RIPK4: variants seen among roughly 807,000 people sequenced by gnomAD.
RIPK4 encodes receptor-interacting serine/threonine-protein kinase 4.
RIPK4 carries 17 observed loss-of-function variants against 42.9 expected under a neutral mutation model. The observed-to-expected ratio is 0.40, with a 90% CI of 0.27 to 0.59. The LOEUF is 0.59. RIPK4 is among the 20% of genes least tolerant of loss of function. The pLI, the probability that RIPK4 is intolerant of heterozygous loss-of-function variation, is 0.47. For missense variants in RIPK4, 897 were observed against 1,104.4 expected (o/e 0.81, Z 2.66); for synonymous variants, 498 against 499.1 (o/e 1.00, Z 0.03).
chr21:41,756,696 C>G lies in RIPK4; in HGVS notation c.303G>C (p.Thr101=). 6.2e-7 allele frequency: 1 copy of G among 1,614,192 alleles called. No individual in the cohort carries two copies. ...PVGLVMEYME[T]GSLEKLLASE... ...AAGCCAGCAGCTTTTCCAGGGAGCC[C>G]GTCTCCATGTACTCCATGACCAGGC... Residue 101 remains threonine (T), a synonymous_variant, in exon 2 of 8, where the codon ACG becomes ACC. Coordinates refer to ENST00000332512, the MANE Select transcript of RIPK4 (RefSeq NM_020639.3).
rs565585242 is a variant in RIPK4, at chr21:41,743,122, T to C, written c.1195+760A>G. Among the ~76,000 whole-genome samples the C allele has an allele frequency of 2.9e-4, 44 of 152,104 alleles. 1 individual carries two copies. The highest frequency in any genetic ancestry group is 1.0e-3 in the African/African-American group (43 of 41,508). On this transcript the variant is annotated intron_variant, in intron 7 of 7. Transcript: ENST00000332512. ...AAGCCAACTTCCCCTTCCCCCGAGA[T>C]TGCAGCCTTGGCCCTCAGCCCCCGT... is the stretch of plus-strand genomic sequence containing the variant.
In RIPK4 at chr21:41,742,343, A is replaced by G. The variant is rs1273186740; in HGVS notation, c.1196-346T>C. 6.6e-6 allele frequency among the ~76,000 whole-genome samples: 1 copy of G among 152,206 alleles called. No individual in the cohort carries two copies. Among genetic ancestry groups the G allele is most frequent in the African/African-American group, 2.4e-5 (1 of 41,456 alleles). ...GAAAGAAGGAAAAAGGGCACAGACTAAAAAGACCAGGCCAGAGCTCCCATT... is the reference window on the plus strand; with the variant it reads ...GAAAGAAGGAAAAAGGGCACAGACTGAAAAGACCAGGCCAGAGCTCCCATT... On this transcript the variant is annotated intron_variant, in intron 7 of 7. Transcript: ENST00000332512. The surrounding 1 kb of genome is among the most constrained non-coding windows in gnomAD (Gnocchi z 5.1).
intron 1 of RIPK4, among the ~76,000 whole-genome samples, chr21:41,765,316 C>G (rs2061232905): frequency 6.6e-6 from 1 of 152,180 alleles, no homozygotes; most frequent in Admixed American, 6.5e-5. Context: ...ACCACAGCAC[C>G]CCTCCTGGCC....
At position 41,756,629 on chromosome 21, in the gene RIPK4, C is replaced by A; in HGVS notation, c.370G>T (p.Glu124Ter). ...AGGAAGTTCATGCCCACCGCCGTCTCGTGGATGATTCGGAACCGGAGATCC... is the reference window on the plus strand; with the variant it reads ...AGGAAGTTCATGCCCACCGCCGTCTAGTGGATGATTCGGAACCGGAGATCC... The part of the protein sequence containing the change: ...PWDLRFRIIH[E>*]TAVGMNFLHC... Residue 124 changes from glutamate to a stop codon, truncating the protein, a stop_gained, in exon 2 of 8, where the codon GAG becomes TAG. Transcript: ENST00000332512. LOFTEE classifies it high-confidence loss of function. 1 of 1,614,006 alleles carries A rather than the reference C, an allele frequency of 6.2e-7. No individual in the cohort carries two copies. The highest frequency in any genetic ancestry group is 1.1e-5 in the South Asian group (1 of 91,078).
chr21:41,762,063 T>C (rs1461162130), intron 1 of RIPK4, among the ~76,000 whole-genome samples: 1 of 152,186 alleles, frequency 6.6e-6, no homozygotes, highest in African/African-American at 2.4e-5. Context: ...GGATCCCGGC[T>C]AGAATCTCCT....
chr21:41,759,937 A>G lies in RIPK4; in HGVS notation c.183-3121T>C, dbSNP rs532671435. ...ATCTCAGCCTGTCTGCCCCCCAACA[A>G]TGCAAGCCCTGCAGCTAGGGCTCTG... is the stretch of plus-strand genomic sequence containing the variant. On this transcript the variant is annotated intron_variant, in intron 1 of 7. Coordinates refer to ENST00000332512, the MANE Select transcript of RIPK4 (RefSeq NM_020639.3). Among the ~76,000 whole-genome samples the G allele has an allele frequency of 1.7e-3, 263 of 152,218 alleles. 7 individuals are homozygous for G. The South Asian group carries it at 0.044, about 25-fold the overall frequency.
intron 1 of RIPK4, among the ~76,000 whole-genome samples, chr21:41,760,718 T>C (rs1429855320): frequency 6.6e-6 from 1 of 151,908 alleles, no homozygotes; most frequent in Non-Finnish European, 1.5e-5. Context: ...TAGGCAGCTC[T>C]CTACGGTGGA....
In RIPK4 at chr21:41,746,667, G is replaced by T. The variant is rs149749209; in HGVS notation, c.778C>A (p.Arg260Ser). 5.0e-6 allele frequency: 8 copies of T among 1,611,190 alleles called. No individual in the cohort carries two copies. The African/African-American group carries it at 9.3e-5, about 19-fold the overall frequency. ...ARPRACSHLI[R>S]LMQRCWQGDP... The stretch of plus-strand genomic sequence containing the variant: ...CCCTGCCAGCACCGCTGCATGAGGC[G>T]TATCAGGTGGCTGCAGGCGCGCGGC... Residue 260 changes from arginine to serine, a missense_variant, in exon 5 of 8, where the codon CGC becomes AGC. By Grantham distance (110) the Arg-to-Ser change is moderately radical (BLOSUM62 -1). Coordinates refer to ENST00000332512, the MANE Select transcript of RIPK4 (RefSeq NM_020639.3).
In RIPK4 at chr21:41,766,925, C is replaced by T. The variant is rs147023104; in HGVS notation, c.117G>A (p.Val39=). Residue 39 remains valine (V), a synonymous_variant, in exon 1 of 8, where the codon GTG becomes GTA. Transcript: ENST00000332512. ...GSGGFGQVYK[V]RHVHWKTWLA... ...GCCAGGTCTTCCAGTGGACATGGCG[C>T]ACCTTGTACACCTGCCCGAAGCCGC... 0.016 allele frequency: 26,262 copies of T among 1,610,328 alleles called. 261 individuals carry two copies. Among genetic ancestry groups the T allele is most frequent in the Non-Finnish European group, 0.02 (23,066 of 1,178,668 alleles).
intron 1 of RIPK4, among the ~76,000 whole-genome samples, chr21:41,765,328 G>A (rs2061232955): frequency 6.6e-6 from 1 of 152,232 alleles, no homozygotes; most frequent in Admixed American, 6.5e-5. Flanking sequence ...CTCCTGGCCT[G>A]AGAAGTTCCC....
intron 3 of RIPK4, among the ~76,000 whole-genome samples, chr21:41,749,420 C>T (rs1245883257): frequency 2.6e-5 from 4 of 152,204 alleles, no homozygotes; most frequent in African/African-American, 4.8e-5. Flanking sequence ...CAAGTAACTT[C>T]GCCAACTGGG....
chr21:41,746,785 G>T lies in RIPK4; in HGVS notation c.674-14C>A. 1 of 1,571,290 alleles carries T rather than the reference G, an allele frequency of 6.4e-7. No homozygotes were observed. Among genetic ancestry groups the T allele is most frequent in the East Asian group, 2.3e-5 (1 of 44,252 alleles). Reference sequence around the variant, plus strand: ...TGTTCTTCTCATCTGCCAAGGGAAGGATGCGAGTCAGGGGCTCTGCAGGGC... The same window carrying T: ...TGTTCTTCTCATCTGCCAAGGGAAGTATGCGAGTCAGGGGCTCTGCAGGGC... On this transcript the variant is annotated splice_polypyrimidine_tract_variant and intron_variant, in intron 4 of 7. Coordinates refer to ENST00000332512, the MANE Select transcript of RIPK4 (RefSeq NM_020639.3).
Position 41,742,096 on chromosome 21 carries a change from A to G in RIPK4, c.1196-99T>C. On this transcript the variant is annotated intron_variant, in intron 7 of 7. Coordinates refer to ENST00000332512, the MANE Select transcript of RIPK4 (RefSeq NM_020639.3). This position sits in a 1 kb window ranked among gnomAD's most constrained non-coding sequence, Gnocchi z 5.1. ...TGTGGCGCTCAGGTGGAGGAGTGCC[A>G]TGGCCTCCAGGCTGCTCGCTGGTCA... is the stretch of plus-strand genomic sequence containing the variant. 9.3e-7 allele frequency: 1 copy of G among 1,073,000 alleles called. No individual in the cohort carries two copies. Among genetic ancestry groups the G allele is most frequent in the Non-Finnish European group, 1.4e-6 (1 of 740,170 alleles). 66.5% of individuals were successfully genotyped at this position (1,073,000 alleles called of 1,614,324 possible).
intron 6 of RIPK4, among the ~76,000 whole-genome samples, chr21:41,745,033 A>G (rs1234815950): frequency 6.6e-6 from 1 of 152,050 alleles, no homozygotes; most frequent in Non-Finnish European, 1.5e-5. Flanking sequence ...GTACCGAGCC[A>G]CCCCTACATG....
chr21:41,761,300 T>A (rs1055305998), intron 1 of RIPK4, among the ~76,000 whole-genome samples: 4 of 152,222 alleles, frequency 2.6e-5, no homozygotes, highest in Non-Finnish European at 4.4e-5. Context: ...GAGGCCCTCA[T>A]TTGTTATTTA....
Position 41,751,378 on chromosome 21 carries a change from G to T in RIPK4, c.475-133C>A, listed in dbSNP as rs958691019. On this transcript the variant is annotated intron_variant, in intron 2 of 7. Coordinates refer to ENST00000332512, the MANE Select transcript of RIPK4 (RefSeq NM_020639.3). This position sits in a 1 kb window ranked among gnomAD's most constrained non-coding sequence, Gnocchi z 4.5. ...CCAGGAGCCCCTAAGAGCCGTGTCT[G>T]TGCCTCTCCAGGTAGCCCTGCCCCA... The T allele has an allele frequency of 2.5e-5, 31 of 1,225,684 alleles. 1 individual carries two copies. In the Admixed American group the frequency reaches 6.9e-4, roughly 27 times the overall value. 75.9% of individuals were successfully genotyped at this position (1,225,684 alleles called of 1,614,324 possible).
chr21:41,754,501 G>A (rs1337824963), intron 2 of RIPK4, among the ~76,000 whole-genome samples: 1 of 152,172 alleles, frequency 6.6e-6, no homozygotes, highest in Non-Finnish European at 1.5e-5. Context: ...CACCCAGCGT[G>A]CCTTCGACAG....
chr21:41,766,563 A>T (rs1012539621), intron 1 of RIPK4, among the ~76,000 whole-genome samples: 1 of 152,066 alleles, frequency 6.6e-6, no homozygotes, highest in African/African-American at 2.4e-5. Context: ...GCGCCTTAGG[A>T]CGTCCGGGCA....
rs572498790 is a variant in RIPK4, at chr21:41,751,743, A to G, written c.475-498T>C. Among the ~76,000 whole-genome samples, 2 of 152,326 alleles carry G rather than the reference A, an allele frequency of 1.3e-5. No homozygotes were observed. Among genetic ancestry groups the G allele is most frequent in the African/African-American group, 4.8e-5 (2 of 41,574 alleles). ...AGTGGCTGCAAGTCCTTTAAAGGGAAACACAGAAACACACCTTCAGAAGCC... is the reference window on the plus strand; with the variant it reads ...AGTGGCTGCAAGTCCTTTAAAGGGAGACACAGAAACACACCTTCAGAAGCC... On this transcript the variant is annotated intron_variant, in intron 2 of 7. Transcript: ENST00000332512. This position sits in a 1 kb window ranked among gnomAD's most constrained non-coding sequence, Gnocchi z 4.5.
Sources: allele counts gnomAD v4.1 joint callset (sites outside exome capture counted in the v4.1 genomes callset), GRCh38; gene constraint gnomAD v4.1.1; non-coding constraint Gnocchi (gnomAD v3.1); transcripts MANE v1.5; gene names NCBI Gene and HGNC (gene_info 2026-07-23, HGNC 2026-07-21).